The following JUP variants were observed in gnomAD, a reference collection of about 807,000 sequenced individuals.
JUP encodes catenin (cadherin-associated protein), gamma 80kDa.
A neutral mutation model predicts 71.1 loss-of-function variants in JUP; 28 were observed. The observed-to-expected ratio is 0.39, with a 90% CI of 0.29 to 0.54. JUP has a LOEUF of 0.54. JUP is among the 20% of genes least tolerant of loss of function. JUP has a pLI of 0.62. For synonymous variants in JUP, 401 were observed against 438.9 expected (o/e 0.91, Z 1.08); for missense variants, 869 against 1,030.1 (o/e 0.84, Z 2.14).
chr17:41,764,836 G>T lies in JUP; in HGVS notation c.1055-20C>A. On this transcript the variant is annotated intron_variant, in intron 6 of 13. Coordinates refer to ENST00000393931, the MANE Select transcript of JUP (RefSeq NM_002230.4). ...TCCCACCTGGGGCAGGGATAGGGGTGCCATCAGCCACGGGGAGCATGGCTG... is the reference window on the plus strand; with the variant it reads ...TCCCACCTGGGGCAGGGATAGGGGTTCCATCAGCCACGGGGAGCATGGCTG... The T allele has an allele frequency of 6.2e-7, 1 of 1,613,394 alleles. No individual in the cohort carries two copies. The highest frequency in any genetic ancestry group is 8.5e-7 in the Non-Finnish European group (1 of 1,179,544).
At chr17:41,775,732 A>G (rs985686615) in intron 1 of JUP, among the ~76,000 whole-genome samples, 3 of 152,348 alleles carry the variant, frequency 2.0e-5, no homozygotes, top group African/African-American at 7.2e-5. Flanking sequence ...GACTGTAGGG[A>G]CAGCCCAAGG....
At chr17:41,776,561 A>T (rs1204542383) in intron 1 of JUP, among the ~76,000 whole-genome samples, 1 of 152,008 alleles carries the variant, frequency 6.6e-6, no homozygotes, top group Non-Finnish European at 1.5e-5. Context: ...ACAAAAAATA[A>T]AAAGAAATTA....
rs1555606010 is a variant in JUP, at chr17:41,769,691, G to A, written c.209-14C>T. ...ACTCCAGATCACCTGGGGGCCATGG[G>A]GACAGGGACTGAGTGCAGGCAGTGG... is the stretch of plus-strand genomic sequence containing the variant. On this transcript the variant is annotated splice_polypyrimidine_tract_variant and intron_variant, in intron 2 of 13. Coordinates refer to ENST00000393931, the MANE Select transcript of JUP (RefSeq NM_002230.4). The A allele has an allele frequency of 1.2e-6, 2 of 1,606,486 alleles. No individual in the cohort carries two copies. Among genetic ancestry groups the A allele is most frequent in the Non-Finnish European group, 1.7e-6 (2 of 1,178,216 alleles).
At chr17:41,776,744 C>T (rs2046905134) in intron 1 of JUP, among the ~76,000 whole-genome samples, 1 of 152,230 alleles carries the variant, frequency 6.6e-6, no homozygotes, top group African/African-American at 2.4e-5. Context: ...CGGTGGCTCA[C>T]GCCTGTAATC....
intron 9 of JUP, 43 bp downstream of exon 9, chr17:41,758,672 G>A: frequency 6.3e-7 from 1 of 1,592,584 alleles, no homozygotes; most frequent in African/African-American, 1.3e-5. Context: ...AGGACACCCT[G>A]ACCCCCCAGG....
chr17:41,756,206 G>A lies in JUP; in HGVS notation c.2055C>T (p.Ser685=), dbSNP rs1913708075. 1.2e-5 allele frequency: 19 copies of A among 1,613,948 alleles called. No individual in the cohort carries two copies. Among genetic ancestry groups the A allele is most frequent in the Non-Finnish European group, 1.5e-5 (18 of 1,179,926 alleles). ...CATAGGGCTCATTGATGGGAATCATGCTCTGGGCCTGAAAAAGGAGAGAGA... is the reference window on the plus strand; with the variant it reads ...CATAGGGCTCATTGATGGGAATCATACTCTGGGCCTGAAAAAGGAGAGAGA... ...HDPAAWEAAQ[S]MIPINEPYGD... is the part of the protein sequence containing the mutation. Residue 685 remains serine (S), a synonymous_variant, in exon 13 of 14, where the codon AGC becomes AGT. Transcript: ENST00000393931.
chr17:41,755,053 T>C lies in JUP; in HGVS notation c.*691A>G, dbSNP rs1421422135. The C allele has an allele frequency of 2.6e-6, 1 of 377,678 alleles. No homozygotes were observed. The highest frequency in any genetic ancestry group is 4.7e-6 in the Non-Finnish European group (1 of 213,022). The allele number at this position is 377,678 out of a possible 1,614,324, so 23.4% of individuals were successfully genotyped here. A position where few individuals can be genotyped will look rare whatever the true frequency, so the allele number is the denominator to read the frequency against. On this transcript the variant is annotated 3_prime_UTR_variant, in exon 14 of 14. Coordinates refer to ENST00000393931, the MANE Select transcript of JUP (RefSeq NM_002230.4). ...TCTCGAACCTGGGCCCTGGAGGCCC[T>C]GGGGGCTTAGGGCAGTTGGTCGGTG... is the stretch of plus-strand genomic sequence containing the variant.
intron 8 of JUP, among the ~76,000 whole-genome samples, chr17:41,762,285 C>G (rs4313851): frequency 3.3e-5 from 5 of 149,414 alleles, no homozygotes; most frequent in Admixed American, 6.7e-5. Context: ...ATGTTACCCA[C>G]GATGGTCTCA....
rs113810501 is a variant in JUP at position 41,760,249 on chromosome 17, G to A, written c.1498-1379C>T. Among the ~76,000 whole-genome samples, 139 of 151,612 alleles carry A rather than the reference G, an allele frequency of 9.2e-4. 1 individual carries two copies. Among genetic ancestry groups the A allele is most frequent in the African/African-American group, 3.0e-3 (126 of 41,370 alleles). ...TATCTGCACTGGGTTTTTTTTGTTT[G>A]TTTGTTTTTTTGTTTGTTTTTTTTG... On this transcript the variant is annotated intron_variant, in intron 8 of 13. Coordinates refer to ENST00000393931, the MANE Select transcript of JUP (RefSeq NM_002230.4).
intron 1 of JUP, among the ~76,000 whole-genome samples, chr17:41,775,582 GAC>G (rs1555608402): frequency 2.0e-5 from 3 of 152,230 alleles, no homozygotes; most frequent in Non-Finnish European, 2.9e-5. Context: ...AAGCGAGAGA[GAC>G]AGACGCAGGC....
rs782547037 is a variant in JUP, at chr17:41,764,827, G to T, written c.1055-11C>A. The T allele has an allele frequency of 1.2e-6, 2 of 1,613,490 alleles. No homozygotes were observed. Among genetic ancestry groups the T allele is most frequent in the Non-Finnish European group, 1.7e-6 (2 of 1,179,722 alleles). On this transcript the variant is annotated splice_polypyrimidine_tract_variant and intron_variant, in intron 6 of 13. Transcript: ENST00000393931. Reference sequence around the variant, plus strand: ...GGGCCTGCATCCCACCTGGGGCAGGGATAGGGGTGCCATCAGCCACGGGGA... The same window carrying T: ...GGGCCTGCATCCCACCTGGGGCAGGTATAGGGGTGCCATCAGCCACGGGGA...
chr17:41,755,038 G>GGGCCCTGGA lies in JUP; in HGVS notation c.*697_*705dup, dbSNP rs2143353787. ...TTTTGGGGGTTTGGGTCTCGAACCT[G>GGGCCCTGGA]GGCCCTGGAGGCCCTGGGGGCTTAG... On this transcript the variant is annotated 3_prime_UTR_variant, in exon 14 of 14. Transcript: ENST00000393931. 2.7e-6 allele frequency: 1 copy of GGGCCCTGGA among 370,022 alleles called. No individual in the cohort carries two copies. The highest frequency in any genetic ancestry group is 2.1e-5 in the African/African-American group (1 of 48,208). The allele number at this position is 370,022 out of a possible 1,614,324, so 22.9% of individuals were successfully genotyped here.
At chr17:41,762,848 C>G in intron 8 of JUP, 135 bp downstream of exon 8, 1 of 721,168 alleles carries the variant, frequency 1.4e-6, no homozygotes, top group Non-Finnish European at 2.4e-6. Context: ...TAAACTATTA[C>G]ACGAGAGAGA....
At position 41,770,093 on chromosome 17, in the gene JUP, T is replaced by C. The variant is rs1916418565; in HGVS notation, c.209-416A>G. ...CTGACTCAGGGGCCCAAACCCCTAC[T>C]CTATTCTCCTCCCTTACCCATCAGG... On this transcript the variant is annotated intron_variant, in intron 2 of 13. Transcript: ENST00000393931. Among the ~76,000 whole-genome samples the C allele has an allele frequency of 5.3e-5, 8 of 152,232 alleles. No homozygotes were observed. The South Asian group carries it at 1.7e-3, about 32-fold the overall frequency.
chr17:41,780,773 G>T (rs558500299), intron 1 of JUP, among the ~76,000 whole-genome samples: 3 of 150,564 alleles, frequency 2.0e-5, no homozygotes, highest in Admixed American at 1.3e-4. Context: ...TGCCAAAAGC[G>T]GTGGCTCACG....
chr17:41,785,773 T>A (rs1205121102), intron 1 of JUP: 1 of 152,318 alleles, frequency 6.6e-6, no homozygotes, highest in South Asian at 2.1e-4. Flanking sequence ...TACTGGAAAC[T>A]GGGCCAGGTG....
intron 1 of JUP, among the ~76,000 whole-genome samples, chr17:41,773,277 TAA>T (rs1916938390): frequency 6.6e-6 from 1 of 152,132 alleles, no homozygotes; most frequent in Admixed American, 6.5e-5. Context: ...TCACCAAGGA[TAA>T]GTCTTCCCTG....
intron 8 of JUP, among the ~76,000 whole-genome samples, chr17:41,760,724 C>G (rs973928532): frequency 6.6e-6 from 1 of 152,038 alleles, no homozygotes. Context: ...CCATGGCCAG[C>G]TAATTTTTGT....
rs1482026041 is a variant in JUP at position 41,763,268 on chromosome 17, G to T, written c.1212C>A (p.Asp404Glu). ...CCGTGGCACAGGTGAGGACGTTGAC[G>T]TCATCCACACTCAGCTGATTCACCA... ...KILVNQLSVD[D>E]VNVLTCATGT... Residue 404 changes from aspartate to glutamate, a missense_variant, in exon 8 of 14, where the codon GAC becomes GAA. By Grantham distance (45) the Asp-to-Glu change is conservative. Coordinates refer to ENST00000393931, the MANE Select transcript of JUP (RefSeq NM_002230.4). 1.2e-6 allele frequency: 2 copies of T among 1,614,070 alleles called. No homozygotes were observed. Among genetic ancestry groups the T allele is most frequent in the African/African-American group, 2.7e-5 (2 of 74,922 alleles).
Sources: gnomAD v4.1 joint callset for allele counts (sites outside exome capture counted in the v4.1 genomes callset) on GRCh38, gnomAD v4.1.1 for gene constraint, MANE v1.5 for transcripts, NCBI Gene and HGNC (gene_info 2026-07-23, HGNC 2026-07-21) for gene names.